The following ZNF618 variants were observed in gnomAD, a reference collection of about 807,000 sequenced individuals.
The protein encoded by ZNF618 is zinc finger protein 618.
A neutral mutation model predicts 103.0 loss-of-function variants in ZNF618; 34 were observed. That is an observed-to-expected ratio of 0.33 (90% confidence interval 0.25 to 0.44). The LOEUF (loss-of-function observed/expected upper bound fraction) is 0.44, where lower values mean the gene tolerates loss of function less well. Ranked by LOEUF, ZNF618 falls within the 20% of genes least tolerant of loss-of-function variation. The probability of loss-of-function intolerance (pLI) is 1.00; values close to 1 mark genes in which losing one functional copy is unlikely to be tolerated. For missense variants in ZNF618, 1,059 were observed against 1,295.4 expected (o/e 0.82, Z 2.80); for synonymous variants, 551 against 542.2 (o/e 1.02, Z -0.23).
chr9:113,954,622 A>G (rs1328409644), intron 1 of ZNF618, among the ~76,000 whole-genome samples: 1 of 152,194 alleles, frequency 6.6e-6, no homozygotes, highest in Admixed American at 6.5e-5. Context: ...TCTGCAGGGC[A>G]GTGTCTTCAG....
intron 10 of ZNF618, among the ~76,000 whole-genome samples, chr9:114,023,669 T>G (rs966482570): frequency 6.6e-6 from 1 of 152,188 alleles, no homozygotes; most frequent in Admixed American, 6.5e-5. Flanking sequence ...TGGTGAAAGA[T>G]TCTCTAAGCT....
chr9:113,880,977 A>C (rs937938080), intron 1 of ZNF618, among the ~76,000 whole-genome samples: 1 of 152,196 alleles, frequency 6.6e-6, no homozygotes, highest in East Asian at 1.9e-4. Flanking sequence ...AGCCCACTTC[A>C]AGGGCCACAT....
intron 1 of ZNF618, among the ~76,000 whole-genome samples, chr9:113,877,527 T>G (rs1040208325): frequency 6.7e-6 from 1 of 150,272 alleles, no homozygotes; most frequent in Non-Finnish European, 1.5e-5. Flanking sequence ...AAATTGTAGT[T>G]TTTTTTTTTT....
At chr9:114,016,042 A>G in intron 9 of ZNF618, 2 of 1,422,592 alleles carry the variant, frequency 1.4e-6, no homozygotes, top group Non-Finnish European at 2.0e-6. Context: ...TGGGGGTTAC[A>G]GATGATTGAA....
intron 2 of ZNF618, among the ~76,000 whole-genome samples, chr9:113,973,195 A>G (rs954085993): frequency 4.6e-5 from 7 of 152,194 alleles, no homozygotes; most frequent in Non-Finnish European, 1.0e-4. Context: ...AGCTCATTTA[A>G]TCCTTCTTCA....
Position 114,049,994 on chromosome 9 carries a change from C to G in ZNF618, c.2692C>G (p.Gln898Glu), listed in dbSNP as rs1588466569. The G allele has an allele frequency of 8.7e-6, 14 of 1,613,958 alleles. No individual in the cohort carries two copies. Among genetic ancestry groups the G allele is most frequent in the Non-Finnish European group, 1.1e-5 (13 of 1,179,892 alleles). ...DLFQYWSCVT[Q>E]KHTKLAKLAF... is the part of the protein sequence containing the mutation. The stretch of plus-strand genomic sequence containing the variant: ...CTTCCAGTACTGGTCGTGCGTTACC[C>G]AAAAGCACACAAAACTCGCCAAGCT... The change falls in exon 15 of 15, where the codon CAA becomes GAA. Residue 898 changes from glutamine to glutamate, a missense_variant. This residue lies in a region of ZNF618 where 156 missense variants were observed against 197.1 expected (regional missense o/e 0.79). Coordinates refer to ENST00000374126, the MANE Select transcript of ZNF618 (RefSeq NM_001318042.2).
chr9:114,040,722 G>A (rs1845092936), intron 13 of ZNF618, among the ~76,000 whole-genome samples: 1 of 152,134 alleles, frequency 6.6e-6, no homozygotes, highest in Non-Finnish European at 1.5e-5. Context: ...TCTTAATCCA[G>A]TCTATCATTG....
intron 1 of ZNF618, among the ~76,000 whole-genome samples, chr9:113,940,650 T>C (rs891883917): frequency 2.0e-5 from 3 of 152,176 alleles, no homozygotes; most frequent in Non-Finnish European, 4.4e-5. Flanking sequence ...TATTGACATA[T>C]GCCTGGTGTA....
At chr9:114,036,187 G>A in intron 12 of ZNF618, 113 bp from the exon 13 acceptor site, 1 of 952,426 alleles carries the variant, frequency 1.0e-6, no homozygotes, top group Non-Finnish European at 1.6e-6. Context: ...GGAGCCCTGA[G>A]CACAGAGACC....
At chr9:113,887,018 GA>G (rs1174505355) in intron 1 of ZNF618, among the ~76,000 whole-genome samples, 1 of 128,930 alleles carries the variant, frequency 7.8e-6, no homozygotes, top group Non-Finnish European at 1.6e-5. Flanking sequence ...GGCTACTAGG[GA>G]AATTTGAAAT....
intron 1 of ZNF618, among the ~76,000 whole-genome samples, chr9:113,943,855 A>G (rs1451954859): frequency 6.6e-6 from 1 of 152,136 alleles, no homozygotes; most frequent in Non-Finnish European, 1.5e-5. Context: ...CTTGGACTTC[A>G]GTGTTGAAAC....
intron 1 of ZNF618, among the ~76,000 whole-genome samples, chr9:113,887,706 G>A (rs941699372): frequency 7.9e-5 from 12 of 152,194 alleles, no homozygotes; most frequent in Non-Finnish European, 1.5e-4. Context: ...TTCCAGCCTG[G>A]ATCAGAGACC....
intron 2 of ZNF618, among the ~76,000 whole-genome samples, chr9:113,978,652 T>C (rs1312245210): frequency 1.3e-5 from 2 of 152,258 alleles, no homozygotes; most frequent in Non-Finnish European, 2.9e-5. Flanking sequence ...CAGGTGTTTT[T>C]ATTATTTTCT....
chr9:113,922,476 TG>T (rs1208677324), intron 1 of ZNF618, among the ~76,000 whole-genome samples: 13 of 104,936 alleles, frequency 1.2e-4, no homozygotes, highest in Middle Eastern at 4.5e-3. Context: ...TGTTTTGGTT[TG>T]TTTTTTTTTT....
intron 4 of ZNF618, among the ~76,000 whole-genome samples, chr9:113,999,062 G>A (rs1840908517): frequency 1.3e-5 from 2 of 152,188 alleles, no homozygotes; most frequent in South Asian, 4.1e-4. Context: ...GTGAGCCAGG[G>A]TTTGCACCCA....
chr9:113,937,301 T>C (rs1451675311), intron 1 of ZNF618, among the ~76,000 whole-genome samples: 1 of 152,150 alleles, frequency 6.6e-6, no homozygotes, highest in African/African-American at 2.4e-5. Context: ...TTCTAAACCA[T>C]TTGAGACAGA....
chr9:114,002,705 C>T (rs751053526), intron 6 of ZNF618, 43 bp downstream of exon 6: 1 of 1,603,414 alleles, frequency 6.2e-7, no homozygotes. Context: ...GGGGCGAGGG[C>T]TTGGGGTGGG....
intron 1 of ZNF618, among the ~76,000 whole-genome samples, chr9:113,951,442 C>CATATCTGTGTATATATACAT (rs1835643381): frequency 4.1e-5 from 2 of 49,256 alleles, no homozygotes; most frequent in Non-Finnish European, 7.9e-5. Context: ...TATATATATA[C>CATATCTGTGTATATATACAT]ATATATGTGT....
At chr9:114,030,809 G>A (rs899914649) in intron 11 of ZNF618, 10 of 152,242 alleles carry the variant, frequency 6.6e-5, no homozygotes, top group Admixed American at 1.3e-4. Context: ...TTCAGCCAGA[G>A]GTACTTGTGG....
Sources: gnomAD v4.1 joint callset for allele counts (sites outside exome capture counted in the v4.1 genomes callset) on GRCh38, gnomAD v4.1.1 for gene constraint, gnomAD v4.1.1 regional missense constraint, MANE v1.5 for transcripts, NCBI Gene and HGNC (gene_info 2026-07-23, HGNC 2026-07-21) for gene names.